The following FZD1 variants were observed in gnomAD, a reference collection of about 807,000 sequenced individuals.
FZD1 encodes frizzled-1.
FZD1 carries 22 observed loss-of-function variants against 48.0 expected under a neutral mutation model. That is an observed-to-expected ratio of 0.46 (90% CI 0.33 to 0.65). The LOEUF is 0.65. FZD1 is among the 30% of genes least tolerant of loss of function. The pLI is 0.02. For missense variants in FZD1, 843 were observed against 898.1 expected, an observed-to-expected ratio of 0.94 and a Z score of 0.78; for synonymous variants, 486 against 409.6, an observed-to-expected ratio of 1.19 and a Z score of -2.25.
chr7:91,265,651 G>T lies in FZD1; in HGVS notation c.771G>T (p.Gly257=). The T allele has an allele frequency of 6.4e-7, 1 of 1,568,152 alleles. No homozygotes were observed. Among genetic ancestry groups the T allele is most frequent in the Non-Finnish European group, 8.6e-7 (1 of 1,159,890 alleles). The change falls in exon 1 of 1, where the codon GGG becomes GGT. Residue 257 remains glycine, a synonymous_variant. Coordinates refer to ENST00000287934, the MANE Select transcript of FZD1 (RefSeq NM_003505.2). This position sits in a 1 kb window ranked among gnomAD's most constrained non-coding sequence, Gnocchi z 6.9. ...WTSNPQHGGG[G]HRGGFPGGAG... ...GCAACCCTCAGCACGGCGGCGGAGGGCACCGTGGCGGCTTCCCGGGGGGCG... is the reference window on the plus strand; with the variant it reads ...GCAACCCTCAGCACGGCGGCGGAGGTCACCGTGGCGGCTTCCCGGGGGGCG...
chr7:91,264,948 C>T lies in FZD1; in HGVS notation c.68C>T (p.Ala23Val), dbSNP rs1342646410. 6 of 1,349,782 alleles carry T rather than the reference C, an allele frequency of 4.4e-6. No homozygotes were observed. Among genetic ancestry groups the T allele is most frequent in the Non-Finnish European group, 5.7e-6 (6 of 1,055,090 alleles). The allele number at this position is 1,349,782 out of a possible 1,614,324, so 83.6% of individuals were successfully genotyped here. ...GGTGGCGCGAGCTGGGAACTTTGTG[C>T]CGGGGCGCTCTCGGCCCGGCTGGCG... is the stretch of plus-strand genomic sequence containing the variant. ...AGGGASWELC[A>V]GALSARLAEE... The change falls in exon 1 of 1, where the codon GCC becomes GTC. Residue 23 changes from alanine to valine, a missense_variant. Physicochemically the swap from Ala to Val is moderately conservative, Grantham distance 64. This residue lies in a region of FZD1 where 490 missense variants were observed against 466.5 expected (regional missense o/e 1.05). Coordinates refer to ENST00000287934, the MANE Select transcript of FZD1 (RefSeq NM_003505.2).
At position 91,264,865 on chromosome 7, in the gene FZD1, G is replaced by A. The variant is rs931787009; in HGVS notation, c.-16G>A. ...CAGCCCCAGCGGAGCGGCGCCAAGA[G>A]AGGAGCCGAGAAAGTATGGCTGAGG... On this transcript the variant is annotated 5_prime_UTR_variant, in exon 1 of 1. Transcript: ENST00000287934. The A allele has an allele frequency of 5.7e-5, 73 of 1,284,494 alleles. No homozygotes were observed. Among genetic ancestry groups the A allele is most frequent in the Non-Finnish European group, 7.2e-5 (73 of 1,019,156 alleles). 79.6% of individuals were successfully genotyped at this position (1,284,494 alleles called of 1,614,324 possible). A position where few individuals can be genotyped will look rare whatever the true frequency, so the allele number is the denominator to read the frequency against.
In FZD1 at chr7:91,269,566, A is replaced by G. The variant is rs1803937581; in HGVS notation, c.*2742A>G. 2 of 167,014 alleles carry G rather than the reference A, an allele frequency of 1.2e-5. No homozygotes were observed. The highest frequency in any genetic ancestry group is 4.8e-5 in the African/African-American group (2 of 41,456). The allele number at this position is 167,014 out of a possible 1,614,324, so 10.3% of individuals were successfully genotyped here. On this transcript the variant is annotated 3_prime_UTR_variant, in exon 1 of 1. Transcript: ENST00000287934. ...GACTAAAATGAAGATCATTGATACA[A>G]TAGAGTTACTTTCCTTGTTACAATG...
rs765576051 is a variant in FZD1, at chr7:91,266,392, C to G, written c.1512C>G (p.Ser504=). ...PLFVYLFIGT[S]FLLAGFVSLF... is the part of the protein sequence containing the mutation. ...TCGTGTACCTGTTTATCGGCACGTC[C>G]TTTCTGCTGGCCGGCTTTGTGTCGC... Residue 504 remains serine (S), a synonymous_variant, in exon 1 of 1, where the codon TCC becomes TCG. Transcript: ENST00000287934. The surrounding 1 kb of genome is among the most constrained non-coding windows in gnomAD (Gnocchi z 6.8). 3.7e-6 allele frequency: 6 copies of G among 1,614,182 alleles called. No homozygotes were observed. The highest frequency in any genetic ancestry group is 4.5e-5 in the East Asian group (2 of 44,872).
chr7:91,265,191 G>A lies in FZD1; in HGVS notation c.311G>A (p.Gly104Asp). 2.5e-6 allele frequency: 4 copies of A among 1,613,106 alleles called. No individual in the cohort carries two copies. The highest frequency in any genetic ancestry group is 3.4e-6 in the Non-Finnish European group (4 of 1,179,900). Reference sequence around the variant, plus strand: ...CAACAGAGCGGGCAGCAGTACAACGGCGAGCGGGGCATCTCCGTCCCGGAC... The same window carrying A: ...CAACAGAGCGGGCAGCAGTACAACGACGAGCGGGGCATCTCCGTCCCGGAC... ...QQQQSGQQYN[G>D]ERGISVPDHG... The change falls in exon 1 of 1, where the codon GGC (glycine) becomes GAC (aspartate). Residue 104 changes from glycine to aspartate, a missense_variant. Gly to Asp is a moderately conservative substitution (Grantham distance 94, BLOSUM62 -1). Transcript: ENST00000287934. This position sits in a 1 kb window ranked among gnomAD's most constrained non-coding sequence, Gnocchi z 6.9.
At position 91,264,815 on chromosome 7, in the gene FZD1, G is replaced by T. The variant is rs920321475; in HGVS notation, c.-66G>T. 28 of 1,181,560 alleles carry T rather than the reference G, an allele frequency of 2.4e-5. No homozygotes were observed. Among genetic ancestry groups the T allele is most frequent in the Non-Finnish European group, 2.9e-5 (27 of 932,802 alleles). 73.2% of individuals were successfully genotyped at this position (1,181,560 alleles called of 1,614,324 possible). ...GCAGAGGTCTCCCTGGCCGCAGGGGGAGCCGCCGCCGGCCGTGCCCCTGGC... is the reference window on the plus strand; with the variant it reads ...GCAGAGGTCTCCCTGGCCGCAGGGGTAGCCGCCGCCGGCCGTGCCCCTGGC... On this transcript the variant is annotated 5_prime_UTR_variant, in exon 1 of 1. Transcript: ENST00000287934.
Position 91,264,937 on chromosome 7 carries a change from G to C in FZD1, c.57G>C (p.Trp19Cys). The C allele has an allele frequency of 7.4e-7, 1 of 1,346,636 alleles. No homozygotes were observed. Among genetic ancestry groups the C allele is most frequent in the Non-Finnish European group, 9.5e-7 (1 of 1,053,856 alleles). The allele number at this position is 1,346,636 out of a possible 1,614,324, so 83.4% of individuals were successfully genotyped here. ...KSRAAGGGAS[W>C]ELCAGALSAR... ...GGGCCGCCGGCGGTGGCGCGAGCTGGGAACTTTGTGCCGGGGCGCTCTCGG... is the reference window on the plus strand; with the variant it reads ...GGGCCGCCGGCGGTGGCGCGAGCTGCGAACTTTGTGCCGGGGCGCTCTCGG... Residue 19 changes from tryptophan (W) to cysteine (C), a missense_variant, in exon 1 of 1, where the codon TGG (tryptophan) becomes TGC (cysteine). Coordinates refer to ENST00000287934, the MANE Select transcript of FZD1 (RefSeq NM_003505.2).
chr7:91,264,699 C>G lies in FZD1; in HGVS notation c.-182C>G. 1 of 408,196 alleles carries G rather than the reference C, an allele frequency of 2.4e-6. No individual in the cohort carries two copies. Among genetic ancestry groups the G allele is most frequent in the Non-Finnish European group, 4.2e-6 (1 of 238,260 alleles). 25.3% of individuals were successfully genotyped at this position (408,196 alleles called of 1,614,324 possible). A position where few individuals can be genotyped will look rare whatever the true frequency, so the allele number is the denominator to read the frequency against. On this transcript the variant is annotated 5_prime_UTR_variant, in exon 1 of 1. Transcript: ENST00000287934. Reference sequence around the variant, plus strand: ...CCCGCCGCCCGCGCTTCATGAATCGCAAGTTTCCGCGGCGGCGGCGGCTGC... The same window carrying G: ...CCCGCCGCCCGCGCTTCATGAATCGGAAGTTTCCGCGGCGGCGGCGGCTGC...
In FZD1 at chr7:91,265,282, GC is replaced by G; in HGVS notation, c.405del (p.Asn136ThrfsTer21). On this transcript the variant is annotated frameshift_variant, in exon 1 of 1. Transcript: ENST00000287934. LOFTEE classifies it high-confidence loss of function. This position sits in a 1 kb window ranked among gnomAD's most constrained non-coding sequence, Gnocchi z 6.9. ...ACATCGCGTACAACCAGACCATCATGCCCAACCTGCTGGGCCACACGAACCA... is the reference window on the plus strand; with the variant it reads ...ACATCGCGTACAACCAGACCATCATGCCAACCTGCTGGGCCACACGAACCA... ...TDIAYNQTIM[P>X]NLLGHTNQED... 1 of 1,614,118 alleles carries G rather than the reference GC, an allele frequency of 6.2e-7. No homozygotes were observed. The highest frequency in any genetic ancestry group is 8.5e-7 in the Non-Finnish European group (1 of 1,179,974).
At position 91,268,554 on chromosome 7, in the gene FZD1, C is replaced by A. The variant is rs1376080984; in HGVS notation, c.*1730C>A. 1 of 166,882 alleles carries A rather than the reference C, an allele frequency of 6.0e-6. No individual in the cohort carries two copies. Among genetic ancestry groups the A allele is most frequent in the African/African-American group, 2.4e-5 (1 of 41,364 alleles). 10.3% of individuals were successfully genotyped at this position (166,882 alleles called of 1,614,324 possible). On this transcript the variant is annotated 3_prime_UTR_variant, in exon 1 of 1. Transcript: ENST00000287934. ...GCCGGTACTTAGGACCTAAATTTAT[C>A]TATGTCTGTCATACGCTAAAATGAT...
rs1398007651 is a variant in FZD1 at position 91,264,698 on chromosome 7, G to C, written c.-183G>C. 3 of 409,084 alleles carry C rather than the reference G, an allele frequency of 7.3e-6. No homozygotes were observed. The Admixed American group carries it at 1.3e-4, about 18-fold the overall frequency. 25.3% of individuals were successfully genotyped at this position (409,084 alleles called of 1,614,324 possible). A position where few individuals can be genotyped will look rare whatever the true frequency, so the allele number is the denominator to read the frequency against. On this transcript the variant is annotated 5_prime_UTR_variant, in exon 1 of 1. Transcript: ENST00000287934. Reference sequence around the variant, plus strand: ...CCCCGCCGCCCGCGCTTCATGAATCGCAAGTTTCCGCGGCGGCGGCGGCTG... The same window carrying C: ...CCCCGCCGCCCGCGCTTCATGAATCCCAAGTTTCCGCGGCGGCGGCGGCTG...
Position 91,265,771 on chromosome 7 carries a change from C to T in FZD1, c.891C>T (p.Gly297=). 2 of 1,612,002 alleles carry T rather than the reference C, an allele frequency of 1.2e-6. No individual in the cohort carries two copies. Among genetic ancestry groups the T allele is most frequent in the East Asian group, 4.5e-5 (2 of 44,858 alleles). Residue 297 remains glycine (G), a synonymous_variant, in exon 1 of 1, where the codon GGC becomes GGT. Transcript: ENST00000287934. This position sits in a 1 kb window ranked among gnomAD's most constrained non-coding sequence, Gnocchi z 6.9. The part of the protein sequence containing the change: ...NYHFLGEKDC[G]APCEPTKVYG... ...ACTTCCTGGGGGAGAAGGACTGCGG[C>T]GCACCTTGTGAGCCGACCAAGGTGT...
rs1584244079 is a variant in FZD1 at position 91,266,183 on chromosome 7, T to G, written c.1303T>G (p.Trp435Gly). ...LTWFLAAGMK[W>G]GHEAIEANSQ... Reference sequence around the variant, plus strand: ...CTGGTTCCTGGCGGCTGGCATGAAGTGGGGCCACGAGGCCATCGAAGCCAA... The same window carrying G: ...CTGGTTCCTGGCGGCTGGCATGAAGGGGGGCCACGAGGCCATCGAAGCCAA... Residue 435 changes from tryptophan (W) to glycine (G), a missense_variant, in exon 1 of 1, where the codon TGG (tryptophan) becomes GGG (glycine). Coordinates refer to ENST00000287934, the MANE Select transcript of FZD1 (RefSeq NM_003505.2). This position sits in a 1 kb window ranked among gnomAD's most constrained non-coding sequence, Gnocchi z 6.8. 6.2e-7 allele frequency: 1 copy of G among 1,614,122 alleles called. No homozygotes were observed. The highest frequency in any genetic ancestry group is 8.5e-7 in the Non-Finnish European group (1 of 1,180,022).
Position 91,269,433 on chromosome 7 carries a change from G to T in FZD1, c.*2609G>T, listed in dbSNP as rs1258764188. 2 of 166,898 alleles carry T rather than the reference G, an allele frequency of 1.2e-5. No homozygotes were observed. Among genetic ancestry groups the T allele is most frequent in the Admixed American group, 6.6e-5 (1 of 15,264 alleles). 10.3% of individuals were successfully genotyped at this position (166,898 alleles called of 1,614,324 possible). On this transcript the variant is annotated 3_prime_UTR_variant, in exon 1 of 1. Transcript: ENST00000287934. ...TTACATTTCATAATATGGAAATATG[G>T]TTATGAGAAATGGAAAATGCTAGAT...
At position 91,265,798 on chromosome 7, in the gene FZD1, TGGGCTCATGTACTTC is replaced by T; in HGVS notation, c.923_937del (p.Leu308_Gly312del). ...CACCTTGTGAGCCGACCAAGGTGTATGGGCTCATGTACTTCGGGCCCGAGGAGCTGCGCTTCTCGC... is the reference window on the plus strand; with the variant it reads ...CACCTTGTGAGCCGACCAAGGTGTATGGGCCCGAGGAGCTGCGCTTCTCGC... On this transcript the variant is annotated inframe_deletion, in exon 1 of 1. Transcript: ENST00000287934. The surrounding 1 kb of genome is among the most constrained non-coding windows in gnomAD (Gnocchi z 6.9). 6.2e-7 allele frequency: 1 copy of T among 1,613,494 alleles called. No individual in the cohort carries two copies. Among genetic ancestry groups the T allele is most frequent in the Non-Finnish European group, 8.5e-7 (1 of 1,179,616 alleles).
rs1224884414 is a variant in FZD1, at chr7:91,267,795, G to T, written c.*971G>T. ...TTCTCTAGTGTCTAAAACCTGGTAT[G>T]GGTTTGGCCAGCGTCATGGAAAGAT... is the stretch of plus-strand genomic sequence containing the variant. On this transcript the variant is annotated 3_prime_UTR_variant, in exon 1 of 1. Coordinates refer to ENST00000287934, the MANE Select transcript of FZD1 (RefSeq NM_003505.2). 1.2e-5 allele frequency: 2 copies of T among 167,078 alleles called. No individual in the cohort carries two copies. Among genetic ancestry groups the T allele is most frequent in the African/African-American group, 4.8e-5 (2 of 41,456 alleles). The allele number at this position is 167,078 out of a possible 1,614,324, so 10.3% of individuals were successfully genotyped here.
chr7:91,269,326 G>A lies in FZD1; in HGVS notation c.*2502G>A, dbSNP rs1047311888. 1.2e-5 allele frequency: 2 copies of A among 166,478 alleles called. No individual in the cohort carries two copies. The highest frequency in any genetic ancestry group is 2.9e-5 in the Non-Finnish European group (2 of 68,036). 10.3% of individuals were successfully genotyped at this position (166,478 alleles called of 1,614,324 possible). On this transcript the variant is annotated 3_prime_UTR_variant, in exon 1 of 1. Transcript: ENST00000287934. ...ACTCTTAGTCAGAATTTATGCATGGGTGTATATATGTGTATATATAGATAA... is the reference window on the plus strand; with the variant it reads ...ACTCTTAGTCAGAATTTATGCATGGATGTATATATGTGTATATATAGATAA...
Position 91,265,861 on chromosome 7 carries a change from A to G in FZD1, c.981A>G (p.Ser327=), listed in dbSNP as rs748324987. Reference sequence around the variant, plus strand: ...CGCGCACCTGGATTGGCATTTGGTCAGTGCTGTGCTGCGCCTCCACGCTCT... The same window carrying G: ...CGCGCACCTGGATTGGCATTTGGTCGGTGCTGTGCTGCGCCTCCACGCTCT... ...RFSRTWIGIW[S]VLCCASTLFT... is the part of the protein sequence containing the mutation. Residue 327 remains serine, a synonymous_variant, in exon 1 of 1, where the codon TCA becomes TCG. Coordinates refer to ENST00000287934, the MANE Select transcript of FZD1 (RefSeq NM_003505.2). This position sits in a 1 kb window ranked among gnomAD's most constrained non-coding sequence, Gnocchi z 6.9. 2 of 1,613,936 alleles carry G rather than the reference A, an allele frequency of 1.2e-6. No individual in the cohort carries two copies. The highest frequency in any genetic ancestry group is 2.2e-5 in the East Asian group (1 of 44,868).
rs1325997366 is a variant in FZD1, at chr7:91,270,954, T to C, written c.*4130T>C. ...AGGAACCAACATAAGACATGGAATATATATAAGAATTATCTAGTTACATGA... is the reference window on the plus strand; with the variant it reads ...AGGAACCAACATAAGACATGGAATACATATAAGAATTATCTAGTTACATGA... On this transcript the variant is annotated 3_prime_UTR_variant, in exon 1 of 1. Transcript: ENST00000287934. 1 of 167,010 alleles carries C rather than the reference T, an allele frequency of 6.0e-6. No homozygotes were observed. Among genetic ancestry groups the C allele is most frequent in the Non-Finnish European group, 1.5e-5 (1 of 68,116 alleles). The allele number at this position is 167,010 out of a possible 1,614,324, so 10.3% of individuals were successfully genotyped here. A position where few individuals can be genotyped will look rare whatever the true frequency, so the allele number is the denominator to read the frequency against.
Sources: allele counts gnomAD v4.1 joint callset, GRCh38; gene constraint gnomAD v4.1.1; regional missense constraint gnomAD v4.1.1; non-coding constraint Gnocchi (gnomAD v3.1); transcripts MANE v1.5; gene names NCBI Gene and HGNC (gene_info 2026-07-23, HGNC 2026-07-21).